Variants in CNOT6L observed in about 807,000 individuals in gnomAD.
CNOT6L encodes CCR4-NOT transcription complex subunit 6-like.
A neutral mutation model predicts 64.0 loss-of-function variants in CNOT6L; 7 were observed. That is an observed-to-expected ratio of 0.11 (90% confidence interval 0.06 to 0.21). The LOEUF (loss-of-function observed/expected upper bound fraction) is 0.21, where lower values mean the gene tolerates loss of function less well. Ranked by LOEUF, CNOT6L falls within the 10% of genes least tolerant of loss-of-function variation. CNOT6L has a pLI of 1.00. For synonymous variants in CNOT6L, 193 were observed against 243.4 expected (o/e 0.79, Z 1.93); for missense variants, 245 against 669.0 (o/e 0.37, Z 6.99).
intron 6 of CNOT6L, among the ~76,000 whole-genome samples, chr4:77,745,392 C>T (rs183735068): frequency 2.2e-4 from 34 of 152,234 alleles, no homozygotes; most frequent in African/African-American, 7.7e-4. Flanking sequence ...ATAAAATGCT[C>T]ATTTTTAAAT....
At position 77,754,888 on chromosome 4, in the gene CNOT6L, T is replaced by TA; in HGVS notation, c.490+1973dup. Among the ~76,000 whole-genome samples the TA allele has an allele frequency of 9.2e-3, 338 of 36,932 alleles. 17 individuals carry two copies. The highest frequency in any genetic ancestry group is 0.027 in the African/African-American group (248 of 9,024). The allele number at this position is 36,932 out of a possible 152,430, so 24.2% of individuals were successfully genotyped here. ...AAAACCTAATTCTAAACATTAGAAG[T>TA]AAAAAAAAAAAAAAAAAAAAAAAAA... is the stretch of plus-strand genomic sequence containing the variant. On this transcript the variant is annotated intron_variant, in intron 5 of 11. Transcript: ENST00000504123.
At chr4:77,742,357 A>C in intron 7 of CNOT6L, 62 bp from the exon 8 acceptor site, 1 of 1,416,120 alleles carries the variant, frequency 7.1e-7, no homozygotes, top group Non-Finnish European at 9.8e-7. Context: ...AAGATATAAA[A>C]ATGTTCAGCA....
intron 9 of CNOT6L, among the ~76,000 whole-genome samples, chr4:77,730,885 ACT>A (rs1423815743): frequency 6.6e-6 from 1 of 152,060 alleles, no homozygotes; most frequent in East Asian, 1.9e-4. Flanking sequence ...TGAGTTTCTG[ACT>A]CTGAAGGAAG....
At chr4:77,725,305 T>C (rs71609376) in intron 11 of CNOT6L, among the ~76,000 whole-genome samples, 2,833 of 152,296 alleles carry the variant, frequency 0.019, 33 homozygotes, top group Non-Finnish European at 0.031. Context: ...TAAATTTCCT[T>C]TGGTATTTTA....
chr4:77,759,209 G>C (rs1430690931), intron 4 of CNOT6L, among the ~76,000 whole-genome samples: 2 of 151,776 alleles, frequency 1.3e-5, no homozygotes, highest in Non-Finnish European at 2.9e-5. Context: ...GTTTATGAAA[G>C]GATTTCATTT....
At position 77,718,729 on chromosome 4, in the gene CNOT6L, C is replaced by CTGAT. The variant is rs986292515; in HGVS notation, c.*1698_*1701dup. The CTGAT allele has an allele frequency of 4.6e-5, 7 of 152,470 alleles. No individual in the cohort carries two copies. Among genetic ancestry groups the CTGAT allele is most frequent in the Non-Finnish European group, 1.0e-4 (7 of 68,002 alleles). The allele number at this position is 152,470 out of a possible 1,614,324, so 9.4% of individuals were successfully genotyped here. ...CTGGGGAAATATTACCTTATATAGCCTGATTAATTTACTATGGAAGAAATT... is the reference window on the plus strand; with the variant it reads ...CTGGGGAAATATTACCTTATATAGCCTGATTGATTAATTTACTATGGAAGAAATT... On this transcript the variant is annotated 3_prime_UTR_variant, in exon 12 of 12. Transcript: ENST00000504123.
chr4:77,804,688 T>C (rs1386188427), intron 1 of CNOT6L, among the ~76,000 whole-genome samples: 1 of 152,196 alleles, frequency 6.6e-6, no homozygotes, highest in African/African-American at 2.4e-5. Context: ...GTAGTGGTGG[T>C]TGGCAACATA....
At chr4:77,742,103 A>G (rs1218259433) in intron 8 of CNOT6L, 38 bp downstream of exon 8, 10 of 1,572,058 alleles carry the variant, frequency 6.4e-6, no homozygotes, top group Non-Finnish European at 8.7e-6. Context: ...ATTTAAATAA[A>G]TAAAAGTACA....
intron 11 of CNOT6L, among the ~76,000 whole-genome samples, chr4:77,721,123 T>C (rs1161823696): frequency 6.6e-6 from 1 of 152,218 alleles, no homozygotes; most frequent in African/African-American, 2.4e-5. Flanking sequence ...TGTTTATGGA[T>C]TTGCTAATCC....
chr4:77,801,055 T>A (rs540934759), intron 1 of CNOT6L, among the ~76,000 whole-genome samples: 1 of 152,224 alleles, frequency 6.6e-6, no homozygotes, highest in East Asian at 1.9e-4. Flanking sequence ...AGGGAAAGGG[T>A]GTCAACTTTA....
intron 7 of CNOT6L, among the ~76,000 whole-genome samples, chr4:77,743,359 G>C (rs948251497): frequency 6.6e-6 from 1 of 151,928 alleles, no homozygotes; most frequent in Admixed American, 6.6e-5. Context: ...AAACCAAGAA[G>C]TAGACAAGAA....
At chr4:77,802,360 T>A (rs1731683724) in intron 1 of CNOT6L, among the ~76,000 whole-genome samples, 1 of 152,222 alleles carries the variant, frequency 6.6e-6, no homozygotes, top group Admixed American at 6.5e-5. Flanking sequence ...TATGCACATA[T>A]CCTTTAGGTA....
intron 1 of CNOT6L, among the ~76,000 whole-genome samples, chr4:77,793,571 G>A (rs560692738): frequency 7.7e-4 from 117 of 152,218 alleles, no homozygotes; most frequent in African/African-American, 2.6e-3. Context: ...TGCTGCCCCC[G>A]TCTCTTATGA....
At chr4:77,798,088 G>A (rs1421515919) in intron 1 of CNOT6L, among the ~76,000 whole-genome samples, 1 of 152,140 alleles carries the variant, frequency 6.6e-6, no homozygotes, top group African/African-American at 2.4e-5. Context: ...CATTTTGGGA[G>A]GCCAAGGAAG....
At chr4:77,780,322 T>G (rs939574454) in intron 1 of CNOT6L, among the ~76,000 whole-genome samples, 9 of 152,216 alleles carry the variant, frequency 5.9e-5, no homozygotes, top group Non-Finnish European at 8.8e-5. Flanking sequence ...GGCAGGTTTT[T>G]GAATTAGTTT....
At chr4:77,789,386 T>C (rs1729834025) in intron 1 of CNOT6L, among the ~76,000 whole-genome samples, 1 of 151,706 alleles carries the variant, frequency 6.6e-6, no homozygotes, top group African/African-American at 2.4e-5. Context: ...TGCAAGGACC[T>C]TTTAGCCAAA....
chr4:77,783,862 C>T (rs1488090950), intron 1 of CNOT6L, among the ~76,000 whole-genome samples: 1 of 149,978 alleles, frequency 6.7e-6, no homozygotes, highest in African/African-American at 2.4e-5. Flanking sequence ...TCAGTTTATT[C>T]TTGGGGCTCT....
intron 1 of CNOT6L, among the ~76,000 whole-genome samples, chr4:77,786,915 G>A (rs1196049623): frequency 6.6e-6 from 1 of 152,144 alleles, no homozygotes; most frequent in Non-Finnish European, 1.5e-5. Context: ...CTATTTTACT[G>A]AGTCTTTCCT....
At chr4:77,732,662 G>C (rs1230018590) in intron 8 of CNOT6L, among the ~76,000 whole-genome samples, 1 of 152,050 alleles carries the variant, frequency 6.6e-6, no homozygotes, top group Non-Finnish European at 1.5e-5. Context: ...AGTGACTATA[G>C]TTTCTACCCT....
Sources: allele counts gnomAD v4.1 joint callset (sites outside exome capture counted in the v4.1 genomes callset), GRCh38; gene constraint gnomAD v4.1.1; transcripts MANE v1.5; gene names NCBI Gene and HGNC (gene_info 2026-07-23, HGNC 2026-07-21).